PTPRR: variants seen among roughly 807,000 people sequenced by gnomAD.
The protein encoded by PTPRR is receptor-type tyrosine-protein phosphatase R.
PTPRR carries 38 observed loss-of-function variants against 77.2 expected under a neutral mutation model. The ratio of observed to expected loss-of-function variants is 0.49; its 90% confidence interval spans 0.38 to 0.65. PTPRR has a LOEUF of 0.65. Ranked by LOEUF, PTPRR falls within the 30% of genes least tolerant of loss-of-function variation. The probability of loss-of-function intolerance (pLI) is 0.00; values close to 1 mark genes in which losing one functional copy is unlikely to be tolerated. For missense variants in PTPRR, 744 were observed against 799.2 expected (o/e 0.93, Z 0.83); for synonymous variants, 299 against 283.1 (o/e 1.06, Z -0.57).
At chr12:70,778,986 C>T (rs971423059) in intron 2 of PTPRR, among the ~76,000 whole-genome samples, 57 of 152,226 alleles carry the variant, frequency 3.7e-4, no homozygotes, top group Middle Eastern at 3.4e-3. Context: ...GCTGGGATTA[C>T]AGGCATGCAC....
intron 2 of PTPRR, among the ~76,000 whole-genome samples, chr12:70,818,944 A>T (rs1891956602): frequency 6.6e-6 from 1 of 152,204 alleles, no homozygotes; most frequent in African/African-American, 2.4e-5. Context: ...TTCTACAAAC[A>T]TGTACACAAA....
Position 70,745,910 on chromosome 12 carries a change from A to C in PTPRR, c.915T>G (p.Pro305=). 3.1e-6 allele frequency: 5 copies of C among 1,614,106 alleles called. No homozygotes were observed. Among genetic ancestry groups the C allele is most frequent in the Non-Finnish European group, 4.2e-6 (5 of 1,180,000 alleles). ...TGATCTCAGGAGCACCTCGGCCTTG[A>C]GGGTCCACGACAACATTCAGTACCT... is the stretch of plus-strand genomic sequence containing the variant. The part of the protein sequence containing the change: ...APKVLNVVVD[P]QGRGAPEIKA... The change falls in exon 6 of 14, where the codon CCT becomes CCG. Residue 305 remains proline, a synonymous_variant. Coordinates refer to ENST00000283228, the MANE Select transcript of PTPRR (RefSeq NM_002849.4).
chr12:70,768,572 A>G (rs751229442), intron 2 of PTPRR, among the ~76,000 whole-genome samples: 10 of 152,144 alleles, frequency 6.6e-5, no homozygotes, highest in Non-Finnish European at 1.5e-4. Context: ...CTGAATTCTA[A>G]CAGAGGTACA....
intron 2 of PTPRR, among the ~76,000 whole-genome samples, chr12:70,788,080 G>T (rs1891358604): frequency 6.6e-6 from 1 of 152,064 alleles, no homozygotes; most frequent in Non-Finnish European, 1.5e-5. Context: ...CATTGGGCGA[G>T]GTTTTTCACC....
At chr12:70,838,262 A>G (rs1892338362) in intron 2 of PTPRR, among the ~76,000 whole-genome samples, 1 of 152,192 alleles carries the variant, frequency 6.6e-6, no homozygotes, top group Non-Finnish European at 1.5e-5. Context: ...TCACTACATT[A>G]GGATAGATGT....
chr12:70,811,818 G>A (rs1311874140), intron 2 of PTPRR, among the ~76,000 whole-genome samples: 1 of 152,194 alleles, frequency 6.6e-6, no homozygotes, highest in Non-Finnish European at 1.5e-5. Context: ...ATAGCTCTAA[G>A]CAGTGGACAT....
At chr12:70,741,756 A>C (rs749534773) in intron 6 of PTPRR, among the ~76,000 whole-genome samples, 5 of 152,066 alleles carry the variant, frequency 3.3e-5, no homozygotes, top group Admixed American at 1.3e-4. Flanking sequence ...AAGTGTTAGA[A>C]CGGCTGCTTT....
rs1028074268 is a variant in PTPRR at position 70,886,875 on chromosome 12, A to G, written c.357+5804T>C. Among the ~76,000 whole-genome samples, 7 of 152,356 alleles carry G rather than the reference A, an allele frequency of 4.6e-5. No homozygotes were observed. The South Asian group carries it at 6.2e-4, about 14-fold the overall frequency. ...AATACAGCAGGAACAAAATAAAAAA[A>G]TCTCAACATTGTGGAACATACATTA... is the stretch of plus-strand genomic sequence containing the variant. On this transcript the variant is annotated intron_variant, in intron 2 of 13. Transcript: ENST00000283228.
At chr12:70,747,007 A>C (rs903260174) in intron 5 of PTPRR, among the ~76,000 whole-genome samples, 1 of 152,172 alleles carries the variant, frequency 6.6e-6, no homozygotes, top group Admixed American at 6.5e-5. Context: ...ATAAATATTT[A>C]TCACATGAAT....
chr12:70,794,925 AC>A (rs1324461165), intron 2 of PTPRR, among the ~76,000 whole-genome samples: 1 of 152,034 alleles, frequency 6.6e-6, no homozygotes, highest in Non-Finnish European at 1.5e-5. Context: ...AACTAAAAGA[AC>A]CCTTCTTATG....
Position 70,783,868 on chromosome 12 carries a change from G to A in PTPRR, c.358-19090C>T, listed in dbSNP as rs60408695. Among the ~76,000 whole-genome samples, 7 of 124,042 alleles carry A rather than the reference G, an allele frequency of 5.6e-5. 1 individual carries two copies. Among genetic ancestry groups the A allele is most frequent in the African/African-American group, 8.0e-5 (2 of 25,096 alleles). The allele number at this position is 124,042 out of a possible 152,430, so 81.4% of individuals were successfully genotyped here. A position where few individuals can be genotyped will look rare whatever the true frequency, so the allele number is the denominator to read the frequency against. ...CTAAGGCTGTGTGGGGGGGACGGGGGGGGGGGGCGGGGGGCGGGGGTTGGC... is the reference window on the plus strand; with the variant it reads ...CTAAGGCTGTGTGGGGGGGACGGGGAGGGGGGGCGGGGGGCGGGGGTTGGC... On this transcript the variant is annotated intron_variant, in intron 2 of 13. Coordinates refer to ENST00000283228, the MANE Select transcript of PTPRR (RefSeq NM_002849.4).
chr12:70,690,164 G>A (rs1208512786), intron 8 of PTPRR, among the ~76,000 whole-genome samples: 1 of 152,184 alleles, frequency 6.6e-6, no homozygotes, highest in African/African-American at 2.4e-5. Context: ...AGATTAGTCT[G>A]GAGGTATAAC....
At chr12:70,879,483 A>G (rs945863308) in intron 2 of PTPRR, among the ~76,000 whole-genome samples, 8 of 152,124 alleles carry the variant, frequency 5.3e-5, no homozygotes, top group Admixed American at 2.0e-4. Context: ...GAACAAGCAC[A>G]TGAACCCGTC....
chr12:70,854,502 A>T (rs909430408), intron 2 of PTPRR, among the ~76,000 whole-genome samples: 3 of 152,230 alleles, frequency 2.0e-5, no homozygotes, highest in Non-Finnish European at 4.4e-5. Flanking sequence ...TTAGTGTTGC[A>T]CATGCAAACA....
At chr12:70,778,915 A>G (rs1891144728) in intron 2 of PTPRR, among the ~76,000 whole-genome samples, 3 of 152,104 alleles carry the variant, frequency 2.0e-5, no homozygotes, top group African/African-American at 7.2e-5. Context: ...GCACGATCTC[A>G]GCTCACTGCA....
At chr12:70,889,933 A>T (rs1394586521) in intron 2 of PTPRR, among the ~76,000 whole-genome samples, 1 of 152,090 alleles carries the variant, frequency 6.6e-6, no homozygotes, top group African/African-American at 2.4e-5. Flanking sequence ...ACTAATCCTC[A>T]GTTTGCTCAG....
At chr12:70,902,526 T>C (rs543203833) in intron 1 of PTPRR, among the ~76,000 whole-genome samples, 3 of 151,918 alleles carry the variant, frequency 2.0e-5, no homozygotes, top group Non-Finnish European at 2.9e-5. Context: ...TATATCTATA[T>C]ATACACACAA....
At chr12:70,738,184 A>G (rs1388656003) in intron 6 of PTPRR, among the ~76,000 whole-genome samples, 1 of 152,192 alleles carries the variant, frequency 6.6e-6, no homozygotes, top group Non-Finnish European at 1.5e-5. Context: ...ACCCCTAAGG[A>G]AACCTTTAGA....
At chr12:70,804,993 A>C (rs571400075) in intron 2 of PTPRR, among the ~76,000 whole-genome samples, 1 of 152,248 alleles carries the variant, frequency 6.6e-6, no homozygotes, top group East Asian at 1.9e-4. Flanking sequence ...ATCTCTCCCC[A>C]TGCTTATTTT....
Sources: allele counts gnomAD v4.1 joint callset (sites outside exome capture counted in the v4.1 genomes callset), GRCh38; gene constraint gnomAD v4.1.1; transcripts MANE v1.5; gene names NCBI Gene and HGNC (gene_info 2026-07-23, HGNC 2026-07-21).